PTPRM: variants seen among roughly 807,000 people sequenced by gnomAD.
PTPRM encodes the protein receptor-type tyrosine-protein phosphatase mu.
In PTPRM, 47 loss-of-function variants were observed where a neutral mutation model predicts 186.7. The ratio of observed to expected loss-of-function variants is 0.25; its 90% CI spans 0.20 to 0.32. The LOEUF (loss-of-function observed/expected upper bound fraction) is 0.32, where lower values mean the gene tolerates loss of function less well. Among genes scored for constraint, PTPRM ranks in the 10% least tolerant of loss-of-function variants. The pLI is 1.00. For synonymous variants in PTPRM, 668 were observed against 674.9 expected, an observed-to-expected ratio of 0.99 and a Z score of 0.16; for missense variants, 1,494 against 1,865.0, an observed-to-expected ratio of 0.80 and a Z score of 3.66.
At chr18:8,265,973 A>G (rs1601551624) in intron 19 of PTPRM, among the ~76,000 whole-genome samples, 1 of 152,010 alleles carries the variant, frequency 6.6e-6, no homozygotes, top group East Asian at 1.9e-4. Context: ...GGACATGGCC[A>G]TCACGTATGA....
chr18:8,101,032 A>T (rs2145538953), intron 11 of PTPRM, among the ~76,000 whole-genome samples: 1 of 152,314 alleles, frequency 6.6e-6, no homozygotes, highest in South Asian at 2.1e-4. Flanking sequence ...CATTTGGTAA[A>T]ATCATCAATG....
chr18:7,654,920 C>CTTTGTTCTT (rs2038812407), intron 1 of PTPRM, among the ~76,000 whole-genome samples: 1 of 152,074 alleles, frequency 6.6e-6, no homozygotes, highest in Non-Finnish European at 1.5e-5. Flanking sequence ...CTTAGGATTG[C>CTTTGTTCTT]ATTGGCTATT....
At chr18:8,337,161 G>A (rs771299422) in intron 22 of PTPRM, among the ~76,000 whole-genome samples, 8 of 152,164 alleles carry the variant, frequency 5.3e-5, no homozygotes, top group Non-Finnish European at 1.0e-4. Flanking sequence ...GCCTTAGATC[G>A]TCTTTATGTA....
intron 2 of PTPRM, among the ~76,000 whole-genome samples, chr18:7,801,838 T>C (rs1275250667): frequency 6.6e-6 from 1 of 152,216 alleles, no homozygotes; most frequent in African/African-American, 2.4e-5. Flanking sequence ...GCTGAAATGC[T>C]GTTGTGTGGT....
At position 7,656,110 on chromosome 18, in the gene PTPRM, A is replaced by T. The variant is rs535332196; in HGVS notation, c.73+88219A>T. ...CAAAATAATTAAAATCAAAGTCTCTAAAAGAAATTTGCACACACATGTTCA... is the reference window on the plus strand; with the variant it reads ...CAAAATAATTAAAATCAAAGTCTCTTAAAGAAATTTGCACACACATGTTCA... On this transcript the variant is annotated intron_variant, in intron 1 of 32. Transcript: ENST00000580170. Among the ~76,000 whole-genome samples, 23 of 152,356 alleles carry T rather than the reference A, an allele frequency of 1.5e-4. 1 individual carries two copies. The East Asian group carries it at 4.4e-3, about 29-fold the overall frequency.
At chr18:7,661,110 G>A (rs2038970816) in intron 1 of PTPRM, among the ~76,000 whole-genome samples, 1 of 152,180 alleles carries the variant, frequency 6.6e-6, no homozygotes, top group Non-Finnish European at 1.5e-5. Context: ...TTTGCACAGG[G>A]AAAAATGATG....
At chr18:7,851,652 A>G (rs1365540794) in intron 2 of PTPRM, among the ~76,000 whole-genome samples, 1 of 115,124 alleles carries the variant, frequency 8.7e-6, no homozygotes, top group African/African-American at 3.0e-5. Flanking sequence ...CAAAAAAAAA[A>G]ACTGAGGCAA....
chr18:8,100,453 T>A (rs550184961), intron 11 of PTPRM, among the ~76,000 whole-genome samples: 1 of 152,240 alleles, frequency 6.6e-6, no homozygotes, highest in East Asian at 1.9e-4. Context: ...ATGCCACACG[T>A]TTTTAAGAGA....
At chr18:7,598,133 A>G (rs776167572) in intron 1 of PTPRM, among the ~76,000 whole-genome samples, 7 of 152,224 alleles carry the variant, frequency 4.6e-5, no homozygotes, top group Non-Finnish European at 8.8e-5. Flanking sequence ...TAAAACTACA[A>G]CAAAGTAAAA....
At chr18:7,767,713 GA>G (rs146595792) in intron 1 of PTPRM, among the ~76,000 whole-genome samples, 2 of 150,266 alleles carry the variant, frequency 1.3e-5, no homozygotes, top group Admixed American at 6.6e-5. Context: ...TAATTGCCAG[GA>G]AAAAAAAAGA....
chr18:7,591,519 A>G (rs766928852), intron 1 of PTPRM, among the ~76,000 whole-genome samples: 1 of 152,216 alleles, frequency 6.6e-6, no homozygotes, highest in Non-Finnish European at 1.5e-5. Context: ...TAAAGCACAT[A>G]CAACAGCTTC....
At chr18:8,300,063 G>A (rs951234306) in intron 20 of PTPRM, among the ~76,000 whole-genome samples, 1 of 152,100 alleles carries the variant, frequency 6.6e-6, no homozygotes, top group African/African-American at 2.4e-5. Context: ...AGGCGGGATG[G>A]GTTTAAATCT....
At chr18:8,264,322 T>C (rs2094672358) in intron 19 of PTPRM, among the ~76,000 whole-genome samples, 1 of 152,156 alleles carries the variant, frequency 6.6e-6, no homozygotes, top group Non-Finnish European at 1.5e-5. Context: ...AAACTCTATA[T>C]CATCATAGAC....
At chr18:7,793,046 A>T (rs1237046031) in intron 2 of PTPRM, among the ~76,000 whole-genome samples, 1 of 152,192 alleles carries the variant, frequency 6.6e-6, no homozygotes. Context: ...CAAATCAAGG[A>T]ATGTCCCACA....
intron 9 of PTPRM, among the ~76,000 whole-genome samples, chr18:8,084,589 A>C (rs1167257640): frequency 6.6e-6 from 1 of 152,218 alleles, no homozygotes; most frequent in East Asian, 1.9e-4. Context: ...CATGGTATAA[A>C]TATAAGAAGA....
At chr18:8,073,539 G>A (rs555880586) in intron 8 of PTPRM, among the ~76,000 whole-genome samples, 9 of 152,246 alleles carry the variant, frequency 5.9e-5, no homozygotes, top group African/African-American at 1.2e-4. Flanking sequence ...CAATGTAGTC[G>A]TATATAAATT....
chr18:8,098,532 A>C (rs1412945662), intron 11 of PTPRM, among the ~76,000 whole-genome samples: 1 of 152,204 alleles, frequency 6.6e-6, no homozygotes, highest in Non-Finnish European at 1.5e-5. Context: ...ATCCCTAAAT[A>C]AAAGTTAAAT....
At chr18:7,912,251 A>G (rs2050312846) in intron 4 of PTPRM, among the ~76,000 whole-genome samples, 1 of 152,162 alleles carries the variant, frequency 6.6e-6, no homozygotes, top group African/African-American at 2.4e-5. Flanking sequence ...GCATATGGAT[A>G]TGCAGTTATT....
chr18:7,856,519 G>A (rs1288369311), intron 2 of PTPRM, among the ~76,000 whole-genome samples: 5 of 152,034 alleles, frequency 3.3e-5, no homozygotes, highest in African/African-American at 1.2e-4. Context: ...CAGGAGGATT[G>A]CTTGAGCCCA....
Sources: allele counts gnomAD v4.1 joint callset (sites outside exome capture counted in the v4.1 genomes callset), GRCh38; gene constraint gnomAD v4.1.1; transcripts MANE v1.5; gene names NCBI Gene and HGNC (gene_info 2026-07-23, HGNC 2026-07-21).